Variants in CYP4F2 observed in about 807,000 individuals in gnomAD.
The protein encoded by CYP4F2 is cytochrome P450 family 4 subfamily F member 2.
CYP4F2 carries 58 observed loss-of-function variants against 58.9 expected under a neutral mutation model. The observed-to-expected ratio is 0.98, with a 90% CI of 0.80 to 1.23. The LOEUF (loss-of-function observed/expected upper bound fraction) is 1.23. Ranked by LOEUF, CYP4F2 falls within the 50% of genes most tolerant of loss-of-function variation. CYP4F2 has a pLI of 0.00. For missense variants in CYP4F2, 616 were observed against 685.6 expected (o/e 0.90, Z 1.13); for synonymous variants, 287 against 261.1 (o/e 1.10, Z -0.95).
intron 3 of CYP4F2, among the ~76,000 whole-genome samples, chr19:15,893,130 G>A (rs1214505144): frequency 6.6e-6 from 1 of 152,134 alleles, no homozygotes; most frequent in East Asian, 1.9e-4. Flanking sequence ...TACAGGCTCT[G>A]GGTTGAATAT....
chr19:15,897,584 C>T lies in CYP4F2; in HGVS notation c.28G>A (p.Gly10Ser), dbSNP rs2089455909. 6.2e-7 allele frequency: 1 copy of T among 1,613,718 alleles called. No individual in the cohort carries two copies. The highest frequency in any genetic ancestry group is 1.3e-5 in the African/African-American group (1 of 74,996). The change falls in exon 2 of 13, where the codon GGC becomes AGC. Residue 10 changes from glycine to serine, a missense_variant. Gly to Ser is a moderately conservative substitution (Grantham distance 56, BLOSUM62 0). Coordinates refer to ENST00000221700, the MANE Select transcript of CYP4F2 (RefSeq NM_001082.5). MSQLSLSWL[G>S]LWPVAASPWL... ...GGGGATGCTGCCACTGGCCAGAGGC[C>T]CAGCCAGGACAGGCTCAGCTGGGAC...
rs1383788376 is a variant in CYP4F2, at chr19:15,897,618, GGGCAGACGGGATGGAC to G, written c.-1-22_-1-7del. 6.2e-7 allele frequency: 1 copy of G among 1,613,270 alleles called. No individual in the cohort carries two copies. The highest frequency in any genetic ancestry group is 1.7e-5 in the Admixed American group (1 of 59,960). ...ACAGGCTCAGCTGGGACATCCTGCA[GGGCAGACGGGATGGAC>G]GGTGAGATCCTGAGGCCCAGAGAAC... On this transcript the variant is annotated splice_region_variant and splice_polypyrimidine_tract_variant and intron_variant, in intron 1 of 12. Coordinates refer to ENST00000221700, the MANE Select transcript of CYP4F2 (RefSeq NM_001082.5).
At chr19:15,890,859 C>G (rs184968196) in intron 5 of CYP4F2, among the ~76,000 whole-genome samples, 7 of 152,312 alleles carry the variant, frequency 4.6e-5, no homozygotes, top group Admixed American at 1.3e-4. Flanking sequence ...GTTTCATCAT[C>G]TACCATGGGG....
At chr19:15,895,778 T>C in intron 2 of CYP4F2, 128 bp from the exon 3 acceptor site, 2 of 1,203,000 alleles carry the variant, frequency 1.7e-6, no homozygotes, top group Non-Finnish European at 2.2e-6. Context: ...ATTCATCCTA[T>C]CTATCTAATT....
In CYP4F2 at chr19:15,892,570, G is replaced by T; in HGVS notation, c.356C>A (p.Pro119Gln). 1.2e-6 allele frequency: 2 copies of T among 1,614,002 alleles called. No homozygotes were observed. The highest frequency in any genetic ancestry group is 1.7e-6 in the Non-Finnish European group (2 of 1,179,960). ...SVINASAAIA[P>Q]KDKFFYSFLE... Reference sequence around the variant, plus strand: ...GAAGCTGTAGAAGAACTTGTCCTTTGGTGCAATGGCAGCTGACATAAATGA... The same window carrying T: ...GAAGCTGTAGAAGAACTTGTCCTTTTGTGCAATGGCAGCTGACATAAATGA... The change falls in exon 4 of 13, where the codon CCA (proline) becomes CAA (glutamine). Residue 119 changes from proline to glutamine, a missense_variant. Coordinates refer to ENST00000221700, the MANE Select transcript of CYP4F2 (RefSeq NM_001082.5).
At chr19:15,890,195 A>G (rs1314883947) in intron 6 of CYP4F2, 117 bp downstream of exon 6, 5 of 1,514,136 alleles carry the variant, frequency 3.3e-6, no homozygotes, top group Non-Finnish European at 4.5e-6. Flanking sequence ...TTCAATGATC[A>G]GGTATAACAA....
intron 9 of CYP4F2, 100 bp from the exon 10 acceptor site, chr19:15,879,997 A>G (rs2089334232): frequency 6.4e-7 from 1 of 1,569,176 alleles, no homozygotes; most frequent in Non-Finnish European, 8.6e-7. Context: ...CCCGCAATAA[A>G]ATAAACTTTT....
chr19:15,894,135 C>T (rs1232532372), intron 3 of CYP4F2, among the ~76,000 whole-genome samples: 2 of 152,182 alleles, frequency 1.3e-5, no homozygotes, highest in East Asian at 3.9e-4. Flanking sequence ...ATCCCATTTT[C>T]CAGATGAAGA....
intron 9 of CYP4F2, among the ~76,000 whole-genome samples, chr19:15,883,849 A>G (rs988806288): frequency 6.6e-6 from 1 of 152,188 alleles, no homozygotes; most frequent in African/African-American, 2.4e-5. Context: ...TCATGAGGTC[A>G]GGAGTTCGAG....
At chr19:15,896,717 T>C (rs1053935379) in intron 2 of CYP4F2, among the ~76,000 whole-genome samples, 43 of 152,224 alleles carry the variant, frequency 2.8e-4, no homozygotes, top group African/African-American at 9.2e-4. Flanking sequence ...TCTGTGCTAG[T>C]GTGTCCTGTG....
At chr19:15,881,568 T>TAGAC (rs753831096) in intron 9 of CYP4F2, among the ~76,000 whole-genome samples, 5 of 26,250 alleles carry the variant, frequency 1.9e-4, no homozygotes, top group Non-Finnish European at 6.0e-4. Context: ...AGATGATGGA[T>TAGAC]AGATAGATAG....
intron 9 of CYP4F2, among the ~76,000 whole-genome samples, chr19:15,884,854 C>T (rs529811731): frequency 3.9e-5 from 6 of 152,070 alleles, no homozygotes; most frequent in Non-Finnish European, 7.4e-5. Flanking sequence ...CTCCAGTACG[C>T]CCTCCACACT....
rs140521878 is a variant in CYP4F2, at chr19:15,885,953, C to G, written c.1086G>C (p.Leu362=). The stretch of plus-strand genomic sequence containing the variant: ...CAATCTCTTTAGGCTCACGGTCCTT[C>G]AGAAGTTCTTGCACCTCCTGCCGGC... The part of the protein sequence containing the change: ...ERCRQEVQEL[L]KDREPKEIEW... The change falls in exon 9 of 13, where the codon CTG becomes CTC. Residue 362 remains leucine (L), a synonymous_variant. Transcript: ENST00000221700. The G allele has an allele frequency of 3.6e-4, 583 of 1,613,956 alleles. No homozygotes were observed. The highest frequency in any genetic ancestry group is 6.6e-4 in the Middle Eastern group (4 of 6,078).
chr19:15,893,046 A>G lies in CYP4F2; in HGVS notation c.344-464T>C, dbSNP rs143958088. Among the ~76,000 whole-genome samples the G allele has an allele frequency of 3.8e-3, 583 of 152,282 alleles. 4 individuals are homozygous for G. The highest frequency in any genetic ancestry group is 0.014 in the African/African-American group (565 of 41,544). On this transcript the variant is annotated intron_variant, in intron 3 of 12. Transcript: ENST00000221700. ...TGACATGGCCACAAAATACATGACA[A>G]TTCCTAACATGAGATGGTGTGCTCT...
At chr19:15,892,496 T>C in intron 4 of CYP4F2, 33 bp downstream of exon 4, 1 of 1,613,814 alleles carries the variant, frequency 6.2e-7, no homozygotes, top group Non-Finnish European at 8.5e-7. Flanking sequence ...CCCCCAACGT[T>C]TTTCCCAACC....
rs2089320536 is a variant in CYP4F2, at chr19:15,878,658, G to A, written c.*113C>T. ...ACACTTGTCTCAATTATTTTGAGTA[G>A]ATATCTAGGATGGAATACAGGACTG... On this transcript the variant is annotated 3_prime_UTR_variant, in exon 13 of 13. Transcript: ENST00000221700. 1.5e-6 allele frequency: 2 copies of A among 1,305,868 alleles called. No homozygotes were observed. Among genetic ancestry groups the A allele is most frequent in the Non-Finnish European group, 2.1e-6 (2 of 965,738 alleles). 80.9% of individuals were successfully genotyped at this position (1,305,868 alleles called of 1,614,324 possible).
rs143400551 is a variant in CYP4F2, at chr19:15,884,269, G to A, written c.1115+1655C>T. ...AGCCAAAAAGAGAAAGACAAATATC[G>A]CATGTTCTCACTCACATGTGGGAGC... On this transcript the variant is annotated intron_variant, in intron 9 of 12. Transcript: ENST00000221700. 3.1e-3 allele frequency among the ~76,000 whole-genome samples: 476 copies of A among 152,154 alleles called. 11 individuals carry two copies. The highest frequency in any genetic ancestry group is 1.2e-3 in the Non-Finnish European group (79 of 68,000).
rs115597055 is a variant in CYP4F2, at chr19:15,892,908, A to C, written c.344-326T>G. On this transcript the variant is annotated intron_variant, in intron 3 of 12. Transcript: ENST00000221700. The stretch of plus-strand genomic sequence containing the variant: ...AGCTCAGCATTCTACAGAATGCTTC[A>C]CAAGGACCTAGGACACCCTGTCTGT... 3.8e-3 allele frequency among the ~76,000 whole-genome samples: 582 copies of C among 152,284 alleles called. 4 individuals are homozygous for C. The highest frequency in any genetic ancestry group is 0.014 in the African/African-American group (564 of 41,554).
Position 15,878,693 on chromosome 19 carries a change from G to A in CYP4F2, c.*78C>T, listed in dbSNP as rs949687425. On this transcript the variant is annotated 3_prime_UTR_variant, in exon 13 of 13. Coordinates refer to ENST00000221700, the MANE Select transcript of CYP4F2 (RefSeq NM_001082.5). ...ATGGAATACAGGACTGTGGAACAGG[G>A]TCTTAGGGTAATTCTAGGCTTCACT... 2.5e-6 allele frequency: 4 copies of A among 1,577,854 alleles called. No homozygotes were observed. Among genetic ancestry groups the A allele is most frequent in the African/African-American group, 1.3e-5 (1 of 74,138 alleles).
Sources: gnomAD v4.1 joint callset for allele counts (sites outside exome capture counted in the v4.1 genomes callset) on GRCh38, gnomAD v4.1.1 for gene constraint, MANE v1.5 for transcripts, NCBI Gene and HGNC (gene_info 2026-07-23, HGNC 2026-07-21) for gene names.